HIVEP3: variants seen among roughly 807,000 people sequenced by gnomAD.
The protein encoded by HIVEP3 is HIVEP zinc finger 3.
HIVEP3 carries 49 observed loss-of-function variants against 152.8 expected under a neutral mutation model. That is an observed-to-expected ratio of 0.32 (90% CI 0.26 to 0.41). The LOEUF is 0.41. HIVEP3 is among the 10% of genes least tolerant of loss of function. HIVEP3 has a pLI of 1.00. For missense variants in HIVEP3, 2,790 were observed against 3,103.3 expected, an observed-to-expected ratio of 0.90 and a Z score of 2.40; for synonymous variants, 1,269 against 1,289.0, an observed-to-expected ratio of 0.98 and a Z score of 0.33.
At position 41,770,623 on chromosome 1, in the gene HIVEP3, A is replaced by G. The variant is rs559109219; in HGVS notation, c.-800-69628T>C. On this transcript the variant is annotated intron_variant, in intron 1 of 8. Coordinates refer to ENST00000372583, the MANE Select transcript of HIVEP3 (RefSeq NM_024503.5). ...ACCATATTTTCCCTCAAAGTCCATA[A>G]CCTCAGTCTGCTCATAAGAAAACAT... 1.3e-3 allele frequency among the ~76,000 whole-genome samples: 194 copies of G among 152,232 alleles called. 1 individual carries two copies. Among genetic ancestry groups the G allele is most frequent in the Middle Eastern group, 6.8e-3 (2 of 294 alleles).
At chr1:41,855,401 A>C (rs1225712441) in intron 1 of HIVEP3, among the ~76,000 whole-genome samples, 3 of 152,122 alleles carry the variant, frequency 2.0e-5, no homozygotes, top group African/African-American at 7.3e-5. Context: ...AACTACCATC[A>C]GAGTGAACAG....
intron 2 of HIVEP3, among the ~76,000 whole-genome samples, chr1:41,630,394 C>G (rs1645176860): frequency 1.3e-5 from 2 of 152,272 alleles, no homozygotes; most frequent in South Asian, 4.1e-4. Context: ...ATACCCAAAC[C>G]TGCACATGTA....
In HIVEP3 at chr1:41,828,843, G is replaced by A. The variant is rs541160266; in HGVS notation, c.-801+89570C>T. ...CCTTTCATTGTGCCAGGGCTTGCACGTAGTGCAGCTCTTTAAAGTCTAGTT... is the reference window on the plus strand; with the variant it reads ...CCTTTCATTGTGCCAGGGCTTGCACATAGTGCAGCTCTTTAAAGTCTAGTT... On this transcript the variant is annotated intron_variant, in intron 1 of 8. Coordinates refer to ENST00000372583, the MANE Select transcript of HIVEP3 (RefSeq NM_024503.5). Among the ~76,000 whole-genome samples, 101 of 152,336 alleles carry A rather than the reference G, an allele frequency of 6.6e-4. 4 individuals carry two copies. The highest frequency in any genetic ancestry group is 3.4e-3 in the Middle Eastern group (1 of 294).
chr1:42,030,583 C>T (rs934327043), intron 1 of HIVEP3, among the ~76,000 whole-genome samples: 30 of 152,302 alleles, frequency 2.0e-4, no homozygotes, highest in African/African-American at 6.7e-4. Flanking sequence ...GCTGAGCTCC[C>T]CCATTCCAGA....
At chr1:41,913,672 C>T (rs1045844631) in intron 1 of HIVEP3, among the ~76,000 whole-genome samples, 1 of 152,222 alleles carries the variant, frequency 6.6e-6, no homozygotes, top group Non-Finnish European at 1.5e-5. Context: ...GCTGGCATTA[C>T]AGGCATGAGC....
intron 5 of HIVEP3, among the ~76,000 whole-genome samples, chr1:41,544,838 C>T (rs1643659620): frequency 1.7e-5 from 2 of 118,850 alleles, no homozygotes; most frequent in Non-Finnish European, 3.4e-5. Context: ...CCATCACCAC[C>T]ACCACTACCA....
At position 41,575,675 on chromosome 1, in the gene HIVEP3, T is replaced by C. The variant is rs1274524213; in HGVS notation, c.5076A>G (p.Ser1692=). The change falls in exon 5 of 9, where the codon TCA becomes TCG. Residue 1692 remains serine (S), a synonymous_variant. Coordinates refer to ENST00000372583, the MANE Select transcript of HIVEP3 (RefSeq NM_024503.5). ...CTTTCTGGCCTTCCGGGGAAACCAG[T>C]GAAGGGAGGTGAACCTGGCCCACCG... is the stretch of plus-strand genomic sequence containing the variant. ...KPRMTEVHLP[S]LVSPEGQKDL... 3 of 1,613,970 alleles carry C rather than the reference T, an allele frequency of 1.9e-6. No individual in the cohort carries two copies. The highest frequency in any genetic ancestry group is 2.5e-6 in the Non-Finnish European group (3 of 1,179,964).
intron 1 of HIVEP3, among the ~76,000 whole-genome samples, chr1:41,990,137 C>G (rs1645351229): frequency 9.4e-6 from 1 of 106,154 alleles, no homozygotes; most frequent in Non-Finnish European, 1.9e-5. Flanking sequence ...AATCTCTCAG[C>G]ATTTGCTTGT....
At chr1:41,618,438 C>T (rs897962806) in intron 3 of HIVEP3, among the ~76,000 whole-genome samples, 2 of 152,176 alleles carry the variant, frequency 1.3e-5, no homozygotes, top group African/African-American at 4.8e-5. Context: ...TTCCAAAGGG[C>T]GTAGTGTTGA....
intron 1 of HIVEP3, among the ~76,000 whole-genome samples, chr1:41,952,421 TG>T (rs1209793380): frequency 2.4e-5 from 3 of 127,562 alleles, no homozygotes; most frequent in Non-Finnish European, 4.8e-5. Context: ...CATTTTCTTT[TG>T]TTCATTCATT....
intron 1 of HIVEP3, among the ~76,000 whole-genome samples, chr1:41,728,067 T>C (rs2124181335): frequency 6.6e-6 from 1 of 152,292 alleles, no homozygotes; most frequent in South Asian, 2.1e-4. Context: ...CGCTTGCTGG[T>C]CCTTAATCAC....
At chr1:42,025,540 C>G (rs936574708) in intron 1 of HIVEP3, among the ~76,000 whole-genome samples, 1 of 152,158 alleles carries the variant, frequency 6.6e-6, no homozygotes, top group Admixed American at 6.5e-5. Context: ...TCTGTTGTTT[C>G]TCGCATCACA....
At chr1:41,783,057 A>G (rs2124285745) in intron 1 of HIVEP3, among the ~76,000 whole-genome samples, 1 of 152,304 alleles carries the variant, frequency 6.6e-6, no homozygotes, top group South Asian at 2.1e-4. Context: ...GTTCCTCCCA[A>G]AACAAAAGGA....
At position 41,685,509 on chromosome 1, in the gene HIVEP3, C is replaced by A. The variant is rs531989170; in HGVS notation, c.-721+15407G>T. On this transcript the variant is annotated intron_variant, in intron 2 of 8. Transcript: ENST00000372583. ...CCTTGGATGGATGGCATTCACCCCC[C>A]TCTCCAGCCACATGGGCTCCTGGGA... Among the ~76,000 whole-genome samples, 636 of 152,334 alleles carry A rather than the reference C, an allele frequency of 4.2e-3. 8 individuals are homozygous for A. The highest frequency in any genetic ancestry group is 0.015 in the African/African-American group (620 of 41,568).
At chr1:41,705,485 GC>G (rs1646419522) in intron 1 of HIVEP3, among the ~76,000 whole-genome samples, 2 of 152,218 alleles carry the variant, frequency 1.3e-5, no homozygotes, top group African/African-American at 4.8e-5. Flanking sequence ...AAACATGTTT[GC>G]TTGTATCTTG....
At position 41,836,024 on chromosome 1, in the gene HIVEP3, A is replaced by T. The variant is rs183501332; in HGVS notation, c.-801+82389T>A. Among the ~76,000 whole-genome samples, 252 of 152,318 alleles carry T rather than the reference A, an allele frequency of 1.7e-3. 2 individuals are homozygous for T. The highest frequency in any genetic ancestry group is 5.6e-3 in the African/African-American group (233 of 41,572). ...AGATTATGTGATTTTTGTGAACAGGACAGTCCATGAACCCTGTGGCTGCTA... is the reference window on the plus strand; with the variant it reads ...AGATTATGTGATTTTTGTGAACAGGTCAGTCCATGAACCCTGTGGCTGCTA... On this transcript the variant is annotated intron_variant, in intron 1 of 8. Coordinates refer to ENST00000372583, the MANE Select transcript of HIVEP3 (RefSeq NM_024503.5).
At chr1:41,858,015 C>T (rs59690774) in intron 1 of HIVEP3, among the ~76,000 whole-genome samples, 31,096 of 151,608 alleles carry the variant, frequency 0.21, 3,463 homozygotes, top group African/African-American at 0.29. Context: ...CCATTTATTA[C>T]GACAATGACC....
intron 5 of HIVEP3, among the ~76,000 whole-genome samples, chr1:41,568,029 T>C (rs547620110): frequency 1.3e-5 from 2 of 152,316 alleles, no homozygotes; most frequent in Non-Finnish European, 2.9e-5. Context: ...CTGAGCACAT[T>C]GGAGGAAGAT....
intron 1 of HIVEP3, among the ~76,000 whole-genome samples, chr1:41,837,158 G>A (rs1643148540): frequency 1.3e-5 from 2 of 152,032 alleles, no homozygotes; most frequent in South Asian, 4.2e-4. Flanking sequence ...ATTTGCACCT[G>A]CTCTTCCTAC....
Sources: allele counts gnomAD v4.1 joint callset (sites outside exome capture counted in the v4.1 genomes callset), GRCh38; gene constraint gnomAD v4.1.1; transcripts MANE v1.5; gene names NCBI Gene and HGNC (gene_info 2026-07-23, HGNC 2026-07-21).